The following ATRNL1 variants were observed in gnomAD, a reference collection of about 807,000 sequenced individuals.
ATRNL1 encodes the protein attractin-like protein 1.
ATRNL1 carries 95 observed loss-of-function variants against 182.7 expected under a neutral mutation model. The ratio of observed to expected loss-of-function variants is 0.52; its 90% confidence interval spans 0.44 to 0.62. The LOEUF is 0.62. Among genes scored for constraint, ATRNL1 ranks in the 20% least tolerant of loss-of-function variants. The probability of loss-of-function intolerance (pLI) is 0.00; values close to 1 mark genes in which losing one functional copy is unlikely to be tolerated. For missense variants in ATRNL1, 1,471 were observed against 1,679.5 expected (o/e 0.88, Z 2.17); for synonymous variants, 576 against 568.3 (o/e 1.01, Z -0.19).
intron 27 of ATRNL1, among the ~76,000 whole-genome samples, chr10:115,739,907 AT>A (rs1397016873): frequency 2.0e-5 from 3 of 152,176 alleles, no homozygotes; most frequent in Non-Finnish European, 4.4e-5. Flanking sequence ...TCAGTTACTA[AT>A]TTAACTTGTA....
intron 9 of ATRNL1, among the ~76,000 whole-genome samples, chr10:115,234,459 C>T (rs1320510750): frequency 6.6e-6 from 1 of 151,898 alleles, no homozygotes; most frequent in Non-Finnish European, 1.5e-5. Context: ...AAGATACTCT[C>T]TTACATAAGG....
chr10:115,741,706 A>T (rs2532701), intron 27 of ATRNL1, among the ~76,000 whole-genome samples: 24,015 of 152,188 alleles, frequency 0.16, 2,393 homozygotes, highest in Non-Finnish European at 0.22. Context: ...ATATTACTGA[A>T]AACTTTGACA....
At chr10:115,547,279 T>A (rs1417895346) in intron 25 of ATRNL1, among the ~76,000 whole-genome samples, 1 of 137,016 alleles carries the variant, frequency 7.3e-6, no homozygotes, top group Non-Finnish European at 1.5e-5. Flanking sequence ...TATATATATA[T>A]ATAAATATAT....
chr10:115,115,256 A>G (rs1844431851), intron 1 of ATRNL1, among the ~76,000 whole-genome samples: 1 of 151,994 alleles, frequency 6.6e-6, no homozygotes, highest in South Asian at 2.1e-4. Context: ...GGAAAAGAAA[A>G]ATATTGGTCA....
At chr10:115,458,708 C>T (rs1234716285) in intron 21 of ATRNL1, among the ~76,000 whole-genome samples, 2 of 152,016 alleles carry the variant, frequency 1.3e-5, no homozygotes, top group Non-Finnish European at 2.9e-5. Context: ...CTGAAGTCTC[C>T]CAGTTCCTAC....
chr10:115,606,463 C>T (rs1316183409), intron 26 of ATRNL1, among the ~76,000 whole-genome samples: 2 of 151,940 alleles, frequency 1.3e-5, no homozygotes, highest in East Asian at 1.9e-4. Flanking sequence ...CCATTAAGAG[C>T]AAATGTTTAA....
At chr10:115,795,047 A>G (rs1949618250) in intron 27 of ATRNL1, among the ~76,000 whole-genome samples, 1 of 152,126 alleles carries the variant, frequency 6.6e-6, no homozygotes, top group Admixed American at 6.5e-5. Context: ...TTTCTGGCAC[A>G]AGATATTCCA....
At chr10:115,239,987 G>A (rs1554902466) in intron 9 of ATRNL1, among the ~76,000 whole-genome samples, 1 of 152,130 alleles carries the variant, frequency 6.6e-6, no homozygotes, top group African/African-American at 2.4e-5. Context: ...GGCTTTACTT[G>A]CCTGGGGTAG....
Position 115,241,744 on chromosome 10 carries a change from T to C in ATRNL1, c.1687+19T>C. ...GACATAGGTATGTATCTGTTAGGAT[T>C]GTACAAAGTAGGAAATATCAGAAAT... On this transcript the variant is annotated intron_variant, in intron 10 of 28. Transcript: ENST00000355044. 1 of 1,590,446 alleles carries C rather than the reference T, an allele frequency of 6.3e-7. No individual in the cohort carries two copies. Among genetic ancestry groups the C allele is most frequent in the Non-Finnish European group, 8.6e-7 (1 of 1,164,274 alleles).
intron 19 of ATRNL1, among the ~76,000 whole-genome samples, chr10:115,337,431 GTCT>G (rs1229115868): frequency 6.6e-6 from 1 of 151,958 alleles, no homozygotes; most frequent in East Asian, 1.9e-4. Context: ...CGAATAGTAG[GTCT>G]TCTTCATTCT....
chr10:115,396,405 C>T (rs1256110456), intron 20 of ATRNL1, among the ~76,000 whole-genome samples: 3 of 151,930 alleles, frequency 2.0e-5, no homozygotes, highest in Non-Finnish European at 4.4e-5. Flanking sequence ...TACAGGTTCC[C>T]ACACTTACAA....
intron 24 of ATRNL1, among the ~76,000 whole-genome samples, chr10:115,470,457 A>G (rs991682777): frequency 2.0e-5 from 3 of 150,568 alleles, no homozygotes; most frequent in Non-Finnish European, 4.5e-5. Context: ...TTTATTTCCT[A>G]AGATTCATAG....
At chr10:115,347,373 T>G (rs1369823122) in intron 19 of ATRNL1, among the ~76,000 whole-genome samples, 8 of 152,116 alleles carry the variant, frequency 5.3e-5, no homozygotes, top group East Asian at 1.9e-4. Flanking sequence ...TTTTATTTTT[T>G]GGGGCCACAT....
At chr10:115,613,392 G>C (rs782664168) in intron 26 of ATRNL1, among the ~76,000 whole-genome samples, 2 of 152,096 alleles carry the variant, frequency 1.3e-5, no homozygotes, top group African/African-American at 2.4e-5. Flanking sequence ...GTATTATTGC[G>C]TGTAATCTTG....
At chr10:115,492,810 A>AT (rs1221478554) in intron 24 of ATRNL1, among the ~76,000 whole-genome samples, 5 of 151,386 alleles carry the variant, frequency 3.3e-5, no homozygotes, top group Middle Eastern at 3.2e-3. Flanking sequence ...TGCCCTGCTA[A>AT]TTTTTTATAT....
chr10:115,657,546 T>C (rs933452526), intron 26 of ATRNL1, among the ~76,000 whole-genome samples: 2 of 152,226 alleles, frequency 1.3e-5, no homozygotes, highest in Admixed American at 6.5e-5. Flanking sequence ...GGATTGGATT[T>C]AGATAATTAT....
intron 13 of ATRNL1, among the ~76,000 whole-genome samples, chr10:115,271,204 G>T (rs1451460456): frequency 7.2e-6 from 1 of 139,588 alleles, no homozygotes. Flanking sequence ...ACACACAGAT[G>T]TATTCTTAGC....
intron 22 of ATRNL1, 117 bp from the exon 23 acceptor site, chr10:115,467,057 A>G: frequency 1.6e-6 from 1 of 612,268 alleles, no homozygotes; most frequent in Non-Finnish European, 2.9e-6. Flanking sequence ...TCAGTTGAAT[A>G]TTTACAAAAT....
chr10:115,868,039 C>T (rs1400837071), intron 28 of ATRNL1, among the ~76,000 whole-genome samples: 1 of 152,198 alleles, frequency 6.6e-6, no homozygotes, highest in Non-Finnish European at 1.5e-5. Flanking sequence ...GCTGGGATTA[C>T]AGGCTTAAGC....
Sources: gnomAD v4.1 joint callset for allele counts (sites outside exome capture counted in the v4.1 genomes callset) on GRCh38, gnomAD v4.1.1 for gene constraint, MANE v1.5 for transcripts, NCBI Gene and HGNC (gene_info 2026-07-23, HGNC 2026-07-21) for gene names.